The following PATJ variants were observed in gnomAD, a reference collection of about 807,000 sequenced individuals.
PATJ encodes inaD-like protein.
PATJ carries 190 observed loss-of-function variants against 224.9 expected under a neutral mutation model. That is an observed-to-expected ratio of 0.84 (90% CI 0.75 to 0.95). PATJ has a LOEUF of 0.95. Among genes scored for constraint, PATJ ranks in the 40% least tolerant of loss-of-function variants. PATJ has a pLI of 0.00. For synonymous variants in PATJ, 769 were observed against 820.3 expected, an observed-to-expected ratio of 0.94 and a Z score of 1.07; for missense variants, 2,121 against 2,270.3, an observed-to-expected ratio of 0.93 and a Z score of 1.34.
At chr1:61,973,002 A>G (rs186107118) in intron 27 of PATJ, among the ~76,000 whole-genome samples, 2 of 152,210 alleles carry the variant, frequency 1.3e-5, no homozygotes, top group East Asian at 1.9e-4. Context: ...AAGGTATTCT[A>G]TCAGCTTAAT....
At chr1:62,158,548 C>T (rs964961499) in intron 43 of PATJ, among the ~76,000 whole-genome samples, 2 of 148,026 alleles carry the variant, frequency 1.4e-5, no homozygotes, top group African/African-American at 4.9e-5. Context: ...TAAAAAACTC[C>T]GTCTCTACTA....
chr1:61,994,407 G>A (rs182439186), intron 28 of PATJ, among the ~76,000 whole-genome samples: 17 of 152,108 alleles, frequency 1.1e-4, no homozygotes, highest in African/African-American at 3.4e-4. Context: ...TTTTTTCAGC[G>A]TTGTATAGCT....
intron 14 of PATJ, among the ~76,000 whole-genome samples, chr1:61,816,149 A>C (rs1173280696): frequency 6.6e-6 from 1 of 152,172 alleles, no homozygotes; most frequent in African/African-American, 2.4e-5. Flanking sequence ...TTTCTCCCCA[A>C]CCACTTTATA....
intron 27 of PATJ, among the ~76,000 whole-genome samples, chr1:61,935,335 C>T (rs553143850): frequency 6.6e-6 from 1 of 152,286 alleles, no homozygotes; most frequent in East Asian, 1.9e-4. Context: ...TTCCTTTATA[C>T]TTTAATTTCA....
In PATJ at chr1:61,805,531, T is replaced by A; in HGVS notation, c.1626+7T>A. ...TCCTGATTATGAAGTAATGGTATGTTAAAATGCTCTAATAAAAAACATTCA... is the reference window on the plus strand; with the variant it reads ...TCCTGATTATGAAGTAATGGTATGTAAAAATGCTCTAATAAAAAACATTCA... On this transcript the variant is annotated splice_region_variant and intron_variant, in intron 13 of 43. Coordinates refer to ENST00000642238, the MANE Select transcript of PATJ (RefSeq NM_001350145.3). 1 of 1,485,448 alleles carries A rather than the reference T, an allele frequency of 6.7e-7. No homozygotes were observed. The highest frequency in any genetic ancestry group is 1.4e-5 in the African/African-American group (1 of 72,312). The allele number at this position is 1,485,448 out of a possible 1,614,324, so 92.0% of individuals were successfully genotyped here.
intron 30 of PATJ, among the ~76,000 whole-genome samples, chr1:62,040,399 T>C (rs1651256903): frequency 6.6e-6 from 1 of 151,986 alleles, no homozygotes; most frequent in South Asian, 2.1e-4. Flanking sequence ...CATGACCCTA[T>C]GTTTGCATTT....
intron 26 of PATJ, among the ~76,000 whole-genome samples, chr1:61,923,401 C>T (rs1377240330): frequency 1.3e-5 from 2 of 152,132 alleles, no homozygotes. Flanking sequence ...TAAAAATGTG[C>T]CCAGCATGCT....
intron 14 of PATJ, among the ~76,000 whole-genome samples, chr1:61,812,379 A>AAGGTGAGTGACT (rs1323206247): frequency 8.9e-6 from 1 of 111,742 alleles, no homozygotes; most frequent in South Asian, 2.9e-4. Flanking sequence ...AGAGAGAGAG[A>AAGGTGAGTGACT]GAGAGAGAGA....
intron 29 of PATJ, among the ~76,000 whole-genome samples, chr1:62,022,677 C>T (rs11207894): frequency 0.39 from 59,433 of 151,840 alleles, 11,718 homozygotes; most frequent in East Asian, 0.45. Context: ...TATAACAACT[C>T]ACTCTCCATT....
intron 41 of PATJ, among the ~76,000 whole-genome samples, chr1:62,146,692 G>T (rs895439317): frequency 6.6e-6 from 1 of 152,068 alleles, no homozygotes; most frequent in Non-Finnish European, 1.5e-5. Flanking sequence ...CAGGAGACTC[G>T]CTTGAACCCG....
At position 61,875,415 on chromosome 1, in the gene PATJ, C is replaced by T. The variant is rs200230815; in HGVS notation, c.2959+49C>T. The T allele has an allele frequency of 2.2e-4, 329 of 1,508,902 alleles. 2 individuals are homozygous for T. Among genetic ancestry groups the T allele is most frequent in the Admixed American group, 3.0e-4 (15 of 49,832 alleles). The allele number at this position is 1,508,902 out of a possible 1,614,324, so 93.5% of individuals were successfully genotyped here. The stretch of plus-strand genomic sequence containing the variant: ...AACACAAATTACATTATTTTGCAAG[C>T]TTTCAGTTTTATGTTTGTATACATG... On this transcript the variant is annotated intron_variant, in intron 21 of 43. Transcript: ENST00000642238.
At chr1:62,144,795 T>TATATATATATATATATATAA (rs1558231544) in intron 41 of PATJ, among the ~76,000 whole-genome samples, 5 of 146,254 alleles carry the variant, frequency 3.4e-5, no homozygotes, top group Non-Finnish European at 7.4e-5. Context: ...TATATATATA[T>TATATATATATATATATATAA]AATTAGCAGA....
At chr1:61,866,815 A>G (rs1665495122) in intron 20 of PATJ, among the ~76,000 whole-genome samples, 1 of 152,074 alleles carries the variant, frequency 6.6e-6, no homozygotes, top group South Asian at 2.1e-4. Context: ...AAGAATGGCT[A>G]CTCCATAGAT....
intron 27 of PATJ, among the ~76,000 whole-genome samples, chr1:61,986,112 G>A (rs150026690): frequency 6.6e-6 from 1 of 152,010 alleles, no homozygotes; most frequent in African/African-American, 2.4e-5. Context: ...ACTTAATTGT[G>A]ACCCTAACCC....
intron 22 of PATJ, among the ~76,000 whole-genome samples, chr1:61,892,258 T>C (rs959303384): frequency 1.3e-5 from 2 of 152,196 alleles, no homozygotes; most frequent in Non-Finnish European, 2.9e-5. Flanking sequence ...TGAGATTACT[T>C]AGTCACAATT....
intron 41 of PATJ, among the ~76,000 whole-genome samples, chr1:62,142,245 A>G (rs891185198): frequency 1.3e-5 from 2 of 152,096 alleles, no homozygotes; most frequent in Non-Finnish European, 2.9e-5. Context: ...CCTCCACTAC[A>G]TCCTGAATTG....
chr1:61,793,846 ATT>A (rs1650420258), intron 9 of PATJ, among the ~76,000 whole-genome samples: 1 of 151,902 alleles, frequency 6.6e-6, no homozygotes, highest in African/African-American at 2.4e-5. Flanking sequence ...ATTCCATGAA[ATT>A]TATATATTAT....
At chr1:61,938,463 A>G (rs1445574631) in intron 27 of PATJ, among the ~76,000 whole-genome samples, 1 of 152,182 alleles carries the variant, frequency 6.6e-6, no homozygotes, top group Non-Finnish European at 1.5e-5. Context: ...AGGGATCTAT[A>G]TGCCAAACCT....
At chr1:61,997,977 C>A (rs1260813288) in intron 28 of PATJ, among the ~76,000 whole-genome samples, 2 of 84,678 alleles carry the variant, frequency 2.4e-5, no homozygotes, top group African/African-American at 4.9e-5. Flanking sequence ...GCCACTGTGC[C>A]CAGCTTATAT....
Sources: allele counts gnomAD v4.1 joint callset (sites outside exome capture counted in the v4.1 genomes callset), GRCh38; gene constraint gnomAD v4.1.1; transcripts MANE v1.5; gene names NCBI Gene and HGNC (gene_info 2026-07-23, HGNC 2026-07-21).